Variants in DRD4 observed in about 807,000 individuals in gnomAD.
The protein encoded by DRD4 is D(4) dopamine receptor.
DRD4 carries 26 observed loss-of-function variants against 22.1 expected under a neutral mutation model. That is an observed-to-expected ratio of 1.17 (90% CI 0.86 to 1.63). The LOEUF (loss-of-function observed/expected upper bound fraction) is 1.63. Among genes scored for constraint, DRD4 ranks in the 40% most tolerant of loss-of-function variants. The pLI, the probability that DRD4 is intolerant of heterozygous loss-of-function variation, is 0.00. For missense variants in DRD4, 913 were observed against 632.4 expected (o/e 1.44, Z -4.76); for synonymous variants, 455 against 306.7 (o/e 1.48, Z -5.05).
Position 639,492 on chromosome 11 carries a change from C to T in DRD4, c.345C>T (p.Asp115=), listed in dbSNP as rs1233754273. 2.5e-6 allele frequency: 4 copies of T among 1,603,766 alleles called. No homozygotes were observed. Among genetic ancestry groups the T allele is most frequent in the Middle Eastern group, 1.7e-4 (1 of 6,058 alleles). Residue 115 remains aspartate, a synonymous_variant, in exon 2 of 4, where the codon GAC becomes GAT. Coordinates refer to ENST00000176183, the MANE Select transcript of DRD4 (RefSeq NM_000797.4). The part of the protein sequence containing the change: ...PRLCDALMAM[D]VMLCTASIFN... ...TGTGCGACGCCCTCATGGCCATGGA[C>T]GTCATGCTGTGCACCGCCTCCATCT...
chr11:639,358 C>A, intron 1 of DRD4, 75 bp from the exon 2 acceptor site: 1 of 1,358,692 alleles, frequency 7.4e-7, no homozygotes. Context: ...CCTGGAACTA[C>A]CCATAAGAGT....
Position 637,555 on chromosome 11 carries a change from C to G in DRD4, c.251C>G (p.Ala84Gly). The G allele has an allele frequency of 6.4e-7, 1 of 1,560,740 alleles. No homozygotes were observed. The highest frequency in any genetic ancestry group is 8.6e-7 in the Non-Finnish European group (1 of 1,157,678). ...CTGGCGGCCGCCGACCTCCTCCTCGCTCTCCTGGTGCTGCCGCTCTTCGTC... is the reference window on the plus strand; with the variant it reads ...CTGGCGGCCGCCGACCTCCTCCTCGGTCTCCTGGTGCTGCCGCTCTTCGTC... ...VSLAAADLLL[A>G]LLVLPLFVYS... The change falls in exon 1 of 4, where the codon GCT (alanine) becomes GGT (glycine). Residue 84 changes from alanine (A) to glycine (G), a missense_variant. Transcript: ENST00000176183.
intron 2 of DRD4, 29 bp downstream of exon 2, chr11:639,574 G>GCGCCCCCGCGCCCCGCCCGC: frequency 1.5e-6 from 2 of 1,333,964 alleles, no homozygotes; most frequent in Non-Finnish European, 1.9e-6. Flanking sequence ...CCGCGCCCCG[G>GCGCCCCCGCGCCCCGCCCGC]CGCCCCCGCG....
At position 639,751 on chromosome 11, in the gene DRD4, G is replaced by A. The variant is rs764366872; in HGVS notation, c.502G>A (p.Ala168Thr). 1.1e-5 allele frequency: 17 copies of A among 1,550,778 alleles called. No individual in the cohort carries two copies. The highest frequency in any genetic ancestry group is 1.4e-5 in the African/African-American group (1 of 70,936). ...ATWLLSAAVA[A>T]PVLCGLNDVR... Reference sequence around the variant, plus strand: ...GTGGCTGCTGTCCGCGGCGGTGGCGGCGCCCGTACTGTGCGGCCTCAACGA... The same window carrying A: ...GTGGCTGCTGTCCGCGGCGGTGGCGACGCCCGTACTGTGCGGCCTCAACGA... Residue 168 changes from alanine (A) to threonine (T), a missense_variant, in exon 3 of 4, where the codon GCG becomes ACG. Transcript: ENST00000176183.
intron 3 of DRD4, 41 bp downstream of exon 3, chr11:640,347 G>A (rs552947350): frequency 1.0e-5 from 16 of 1,548,218 alleles, no homozygotes; most frequent in Admixed American, 1.8e-5. Context: ...GAGGAGGGGG[G>A]GGGTACGAGG....
rs1268947179 is a variant in DRD4, at chr11:640,678, T to C, written c.*75T>C. The C allele has an allele frequency of 2.6e-6, 4 of 1,531,582 alleles. No homozygotes were observed. The highest frequency in any genetic ancestry group is 3.5e-5 in the Admixed American group (2 of 57,262). The allele number at this position is 1,531,582 out of a possible 1,614,324, so 94.9% of individuals were successfully genotyped here. On this transcript the variant is annotated 3_prime_UTR_variant, in exon 4 of 4. Transcript: ENST00000176183. Reference sequence around the variant, plus strand: ...CAAGGAGATGGGGAGGGCGCTTTTGTACGTTAATTAAACAAATTCCTTCCC... The same window carrying C: ...CAAGGAGATGGGGAGGGCGCTTTTGCACGTTAATTAAACAAATTCCTTCCC...
In DRD4 at chr11:640,390, G is replaced by T. The variant is rs778207427; in HGVS notation, c.1058-11G>T. On this transcript the variant is annotated splice_polypyrimidine_tract_variant and intron_variant, in intron 3 of 3. Coordinates refer to ENST00000176183, the MANE Select transcript of DRD4 (RefSeq NM_000797.4). ...GGCGGGGGGCGCTAACGCGGCTCTC[G>T]GCGCCCCCAGGGGCCTTCCTGCTGT... 1 of 1,596,788 alleles carries T rather than the reference G, an allele frequency of 6.3e-7. No individual in the cohort carries two copies. Among genetic ancestry groups the T allele is most frequent in the Middle Eastern group, 1.8e-4 (1 of 5,526 alleles).
At position 637,541 on chromosome 11, in the gene DRD4, C is replaced by A. The variant is rs768493668; in HGVS notation, c.237C>A (p.Ala79=). 5 of 1,524,584 alleles carry A rather than the reference C, an allele frequency of 3.3e-6. No homozygotes were observed. In the African/African-American group the frequency reaches 5.4e-5, roughly 17 times the overall value. The allele number at this position is 1,524,584 out of a possible 1,614,324, so 94.4% of individuals were successfully genotyped here. ...TNSFIVSLAA[A]DLLLALLVLP... is the part of the protein sequence containing the mutation. ...CCTTCATCGTGAGCCTGGCGGCCGC[C>A]GACCTCCTCCTCGCTCTCCTGGTGC... The change falls in exon 1 of 4, where the codon GCC becomes GCA. Residue 79 remains alanine, a synonymous_variant. Transcript: ENST00000176183.
At position 637,586 on chromosome 11, in the gene DRD4, C is replaced by T. The variant is rs1389238182; in HGVS notation, c.282C>T (p.Ser94=). ...TGGTGCTGCCGCTCTTCGTCTACTC[C>T]GAGGTGAGCCGCGTCCGGCCGCACG... The part of the protein sequence containing the change: ...ALLVLPLFVY[S]EVQGGAWLLS... The change falls in exon 1 of 4, where the codon TCC becomes TCT. Residue 94 remains serine, a synonymous_variant. Transcript: ENST00000176183. 1.3e-5 allele frequency: 20 copies of T among 1,547,072 alleles called. No individual in the cohort carries two copies. Among genetic ancestry groups the T allele is most frequent in the East Asian group, 4.8e-5 (2 of 41,354 alleles).
chr11:639,815 A>C lies in DRD4; in HGVS notation c.566A>C (p.Asp189Ala), dbSNP rs1858166722. Residue 189 changes from aspartate to alanine, a missense_variant, in exon 3 of 4, where the codon GAC becomes GCC. Transcript: ENST00000176183. ...GACCCCGCCGTGTGCCGCCTGGAGG[A>C]CCGCGACTACGTGGTCTACTCGTCC... ...GRDPAVCRLE[D>A]RDYVVYSSVC... 1 of 1,582,314 alleles carries C rather than the reference A, an allele frequency of 6.3e-7. No individual in the cohort carries two copies. The highest frequency in any genetic ancestry group is 1.4e-5 in the African/African-American group (1 of 73,220).
rs1799989297 is a variant in DRD4 at position 637,321 on chromosome 11, C to G, written c.17C>G (p.Thr6Ser). The G allele has an allele frequency of 1.6e-6, 2 of 1,250,444 alleles. No individual in the cohort carries two copies. Among genetic ancestry groups the G allele is most frequent in the Non-Finnish European group, 1.0e-6 (1 of 1,001,446 alleles). 77.5% of individuals were successfully genotyped at this position (1,250,444 alleles called of 1,614,324 possible). A position where few individuals can be genotyped will look rare whatever the true frequency, so the allele number is the denominator to read the frequency against. Residue 6 changes from threonine (T) to serine (S), a missense_variant, in exon 1 of 4, where the codon ACC (threonine) becomes AGC (serine). Physicochemically the swap from Thr to Ser is moderately conservative, Grantham distance 58. Coordinates refer to ENST00000176183, the MANE Select transcript of DRD4 (RefSeq NM_000797.4). The stretch of plus-strand genomic sequence containing the variant: ...GGGCGCGCCATGGGGAACCGCAGCA[C>G]CGCGGACGCGGACGGGCTGCTGGCT... The part of the protein sequence containing the change: MGNRS[T>S]ADADGLLAGR...
intron 1 of DRD4, 141 bp from the exon 2 acceptor site, chr11:639,292 C>G: frequency 1.3e-6 from 1 of 767,756 alleles, no homozygotes. Flanking sequence ...GGGGTGTTTC[C>G]CTGCCCGGTC....
chr11:638,470 G>A (rs1858119559), intron 1 of DRD4, among the ~76,000 whole-genome samples: 1 of 152,170 alleles, frequency 6.6e-6, no homozygotes, highest in African/African-American at 2.4e-5. Context: ...GATTAGAGGG[G>A]CTGCCTGCTC....
In DRD4 at chr11:637,487, C is replaced by G. The variant is rs1047699358; in HGVS notation, c.183C>G (p.Thr61=). 2 of 1,545,780 alleles carry G rather than the reference C, an allele frequency of 1.3e-6. No individual in the cohort carries two copies. The highest frequency in any genetic ancestry group is 1.7e-6 in the Non-Finnish European group (2 of 1,151,346). ...GNSLVCVSVA[T]ERALQTPTNS... The stretch of plus-strand genomic sequence containing the variant: ...CGCTCGTGTGCGTGAGCGTGGCCAC[C>G]GAGCGCGCCCTGCAGACGCCCACCA... Residue 61 remains threonine (T), a synonymous_variant, in exon 1 of 4, where the codon ACC becomes ACG. Coordinates refer to ENST00000176183, the MANE Select transcript of DRD4 (RefSeq NM_000797.4).
chr11:637,999 AC>A (rs869205479), intron 1 of DRD4, among the ~76,000 whole-genome samples: 1 of 152,070 alleles, frequency 6.6e-6, no homozygotes, highest in African/African-American at 2.4e-5. Flanking sequence ...ACACACACAC[AC>A]ACACTGCCAC....
Position 640,666 on chromosome 11 carries a change from A to G in DRD4, c.*63A>G. The G allele has an allele frequency of 6.3e-7, 1 of 1,575,862 alleles. No individual in the cohort carries two copies. Among genetic ancestry groups the G allele is most frequent in the East Asian group, 2.2e-5 (1 of 44,632 alleles). On this transcript the variant is annotated 3_prime_UTR_variant, in exon 4 of 4. Transcript: ENST00000176183. ...GGCCTCAGGGACCAAGGAGATGGGGAGGGCGCTTTTGTACGTTAATTAAAC... is the reference window on the plus strand; with the variant it reads ...GGCCTCAGGGACCAAGGAGATGGGGGGGGCGCTTTTGTACGTTAATTAAAC...
At chr11:639,281 A>C in intron 1 of DRD4, 152 bp from the exon 2 acceptor site, 1 of 687,494 alleles carries the variant, frequency 1.5e-6, no homozygotes, top group Non-Finnish European at 2.6e-6. Flanking sequence ...TGCGTGGGGA[A>C]GGGGTGTTTC....
Position 640,626 on chromosome 11 carries a change from C to A in DRD4, c.*23C>A. 2 of 1,598,816 alleles carry A rather than the reference C, an allele frequency of 1.3e-6. No individual in the cohort carries two copies. Among genetic ancestry groups the A allele is most frequent in the Non-Finnish European group, 1.7e-6 (2 of 1,179,662 alleles). ...TGAGCCGGGCACCCCCGGACGCCCC[C>A]CGGCCTGATGGCCAGGCCTCAGGGA... On this transcript the variant is annotated 3_prime_UTR_variant, in exon 4 of 4. Coordinates refer to ENST00000176183, the MANE Select transcript of DRD4 (RefSeq NM_000797.4).
rs1457827729 is a variant in DRD4 at position 637,282 on chromosome 11, C to T, written c.-23C>T. The T allele has an allele frequency of 1.7e-6, 2 of 1,184,266 alleles. No individual in the cohort carries two copies. Among genetic ancestry groups the T allele is most frequent in the African/African-American group, 1.6e-5 (1 of 61,902 alleles). The allele number at this position is 1,184,266 out of a possible 1,614,324, so 73.4% of individuals were successfully genotyped here. A position where few individuals can be genotyped will look rare whatever the true frequency, so the allele number is the denominator to read the frequency against. ...TTGCGACCCGGCGTTGTCCGCGGTG[C>T]TCAGCGCCCGCCCGGGCGCGCCATG... On this transcript the variant is annotated 5_prime_UTR_variant, in exon 1 of 4. Coordinates refer to ENST00000176183, the MANE Select transcript of DRD4 (RefSeq NM_000797.4).
Sources: gnomAD v4.1 joint callset for allele counts (sites outside exome capture counted in the v4.1 genomes callset) on GRCh38, gnomAD v4.1.1 for gene constraint, MANE v1.5 for transcripts, NCBI Gene and HGNC (gene_info 2026-07-23, HGNC 2026-07-21) for gene names.